PLEKHF2: variants seen among roughly 807,000 people sequenced by gnomAD.
The protein encoded by PLEKHF2 is pleckstrin homology and FYVE domain containing 2, also known as pleckstrin homology domain-containing family F member 2.
A neutral mutation model predicts 14.7 loss-of-function variants in PLEKHF2; 4 were observed. The ratio of observed to expected loss-of-function variants is 0.27; its 90% CI spans 0.13 to 0.62. The LOEUF (loss-of-function observed/expected upper bound fraction) is 0.62. PLEKHF2 is among the 20% of genes least tolerant of loss of function. The pLI is 0.85. For synonymous variants in PLEKHF2, 90 were observed against 103.5 expected, an observed-to-expected ratio of 0.87 and a Z score of 0.79; for missense variants, 201 against 307.7, an observed-to-expected ratio of 0.65 and a Z score of 2.60.
intron 1 of PLEKHF2, among the ~76,000 whole-genome samples, chr8:95,151,390 T>C (rs1810562188): frequency 6.6e-6 from 1 of 151,970 alleles, no homozygotes; most frequent in Non-Finnish European, 1.5e-5. Context: ...CCAATGTCTT[T>C]TCCTGTTTTA....
intron 1 of PLEKHF2, among the ~76,000 whole-genome samples, chr8:95,134,597 T>A (rs1409445105): frequency 6.6e-6 from 1 of 152,184 alleles, no homozygotes; most frequent in Non-Finnish European, 1.5e-5. Flanking sequence ...GTTTATTTAT[T>A]TGGAGCCTTT....
intron 1 of PLEKHF2, among the ~76,000 whole-genome samples, chr8:95,151,001 T>C (rs566039869): frequency 6.6e-6 from 1 of 152,254 alleles, no homozygotes; most frequent in Non-Finnish European, 1.5e-5. Context: ...AATACAGTAA[T>C]AAGTGCAAAG....
intron 1 of PLEKHF2, among the ~76,000 whole-genome samples, chr8:95,135,510 T>G (rs1345752364): frequency 6.6e-6 from 1 of 152,124 alleles, no homozygotes; most frequent in African/African-American, 2.4e-5. Context: ...GCCCAGGTGA[T>G]CCACCTCGGC....
At chr8:95,146,127 T>C (rs1810497696) in intron 1 of PLEKHF2, among the ~76,000 whole-genome samples, 1 of 152,192 alleles carries the variant, frequency 6.6e-6, no homozygotes, top group African/African-American at 2.4e-5. Context: ...AAGTCTACAG[T>C]AAACCAGAAA....
At chr8:95,136,146 C>T (rs923477800) in intron 1 of PLEKHF2, among the ~76,000 whole-genome samples, 39 of 152,192 alleles carry the variant, frequency 2.6e-4, no homozygotes, top group Non-Finnish European at 4.6e-4. Context: ...ATGCCAAGAA[C>T]ATAGCAGATG....
intron 1 of PLEKHF2, among the ~76,000 whole-genome samples, chr8:95,138,886 A>G (rs1257549511): frequency 3.9e-5 from 6 of 152,218 alleles, no homozygotes; most frequent in Admixed American, 3.9e-4. Flanking sequence ...TCATGTGAAC[A>G]ACTTTGTACA....
At chr8:95,150,608 A>G (rs1810547459) in intron 1 of PLEKHF2, among the ~76,000 whole-genome samples, 1 of 152,190 alleles carries the variant, frequency 6.6e-6, no homozygotes, top group South Asian at 2.1e-4. Flanking sequence ...AGGGAGAAAG[A>G]TTTATGAACA....
intron 1 of PLEKHF2, among the ~76,000 whole-genome samples, chr8:95,148,181 A>T (rs1301991938): frequency 6.6e-6 from 1 of 150,440 alleles, no homozygotes; most frequent in Non-Finnish European, 1.5e-5. Flanking sequence ...ATAAGTTTTT[A>T]TAAAGCTTTC....
intron 1 of PLEKHF2, among the ~76,000 whole-genome samples, chr8:95,152,454 A>T (rs562048669): frequency 2.0e-5 from 3 of 152,240 alleles, no homozygotes; most frequent in Admixed American, 2.0e-4. Context: ...AAAAATTTTT[A>T]TTAATCTAAG....
chr8:95,143,969 G>T (rs1424884432), intron 1 of PLEKHF2, among the ~76,000 whole-genome samples: 2 of 152,066 alleles, frequency 1.3e-5, no homozygotes, highest in African/African-American at 2.4e-5. Flanking sequence ...TTGGAATGTG[G>T]CCCAATACAA....
chr8:95,154,709 C>G lies in PLEKHF2; in HGVS notation c.665C>G (p.Ala222Gly), dbSNP rs190135587. The G allele has an allele frequency of 2.5e-6, 4 of 1,614,126 alleles. No homozygotes were observed. In the Admixed American group the frequency reaches 6.7e-5, roughly 27 times the overall value. Residue 222 changes from alanine (A) to glycine (G), a missense_variant, in exon 2 of 2, where the codon GCT becomes GGT. Coordinates refer to ENST00000315367, the MANE Select transcript of PLEKHF2 (RefSeq NM_024613.4). The surrounding 1 kb of genome is among the most constrained non-coding windows in gnomAD (Gnocchi z 5.6). Reference sequence around the variant, plus strand: ...GGGGACATGGCCACATGCCAGCCTGCTAGATCAGACTCTTACAGCCAGTCA... The same window carrying G: ...GGGGACATGGCCACATGCCAGCCTGGTAGATCAGACTCTTACAGCCAGTCA... ...SAGDMATCQP[A>G]RSDSYSQSLK...
At chr8:95,134,908 G>A (rs1369156960) in intron 1 of PLEKHF2, among the ~76,000 whole-genome samples, 1 of 152,226 alleles carries the variant, frequency 6.6e-6, no homozygotes, top group Non-Finnish European at 1.5e-5. Context: ...TTAAAGGCAT[G>A]TGTTCTCTTA....
intron 1 of PLEKHF2, among the ~76,000 whole-genome samples, chr8:95,134,902 A>G (rs1810359250): frequency 6.6e-6 from 1 of 152,238 alleles, no homozygotes; most frequent in Admixed American, 6.5e-5. Context: ...AGAGTCTTAA[A>G]GGCATGTGTT....
rs1357837130 is a variant in PLEKHF2 at position 95,155,225 on chromosome 8, C to A, written c.*431C>A. 1 of 178,360 alleles carries A rather than the reference C, an allele frequency of 5.6e-6. No homozygotes were observed. Among genetic ancestry groups the A allele is most frequent in the African/African-American group, 2.4e-5 (1 of 41,582 alleles). The allele number at this position is 178,360 out of a possible 1,614,324, so 11.0% of individuals were successfully genotyped here. ...ACCATCCTGTCTAATGGTTAAGACACCAGTAACAAAAACACATGATTTGGA... is the reference window on the plus strand; with the variant it reads ...ACCATCCTGTCTAATGGTTAAGACAACAGTAACAAAAACACATGATTTGGA... On this transcript the variant is annotated 3_prime_UTR_variant, in exon 2 of 2. Coordinates refer to ENST00000315367, the MANE Select transcript of PLEKHF2 (RefSeq NM_024613.4).
intron 1 of PLEKHF2, among the ~76,000 whole-genome samples, chr8:95,140,579 GCCT>G (rs1190269536): frequency 2.0e-5 from 3 of 152,008 alleles, no homozygotes; most frequent in African/African-American, 7.3e-5. Context: ...TCCTGACCTT[GCCT>G]CCTCTGGCCT....
intron 1 of PLEKHF2, among the ~76,000 whole-genome samples, chr8:95,152,102 G>C (rs1810570785): frequency 6.6e-6 from 1 of 151,942 alleles, no homozygotes; most frequent in Non-Finnish European, 1.5e-5. Flanking sequence ...GATGAAATGT[G>C]GTATTTATTT....
At chr8:95,144,793 G>C (rs569699478) in intron 1 of PLEKHF2, among the ~76,000 whole-genome samples, 68 of 151,580 alleles carry the variant, frequency 4.5e-4, no homozygotes, top group Middle Eastern at 3.4e-3. Context: ...GAGCTCGGGA[G>C]GCAGAGGTTG....
At chr8:95,138,955 T>C (rs570110847) in intron 1 of PLEKHF2, among the ~76,000 whole-genome samples, 2 of 152,252 alleles carry the variant, frequency 1.3e-5, no homozygotes, top group Non-Finnish European at 2.9e-5. Flanking sequence ...TTCTAAAGCA[T>C]TTCTATTGCC....
chr8:95,140,627 T>C (rs1053632617), intron 1 of PLEKHF2, among the ~76,000 whole-genome samples: 1 of 152,184 alleles, frequency 6.6e-6, no homozygotes, highest in Admixed American at 6.5e-5. Flanking sequence ...GGAATAGTCT[T>C]GTGTACCATC....
Sources: gnomAD v4.1 joint callset for allele counts (sites outside exome capture counted in the v4.1 genomes callset) on GRCh38, gnomAD v4.1.1 for gene constraint, Gnocchi (gnomAD v3.1) non-coding constraint, MANE v1.5 for transcripts, NCBI Gene and HGNC (gene_info 2026-07-23, HGNC 2026-07-21) for gene names.